COL22A1: variants seen among roughly 807,000 people sequenced by gnomAD.
COL22A1 encodes the protein collagen alpha-1(XXII) chain.
COL22A1 carries 221 observed loss-of-function variants against 248.9 expected under a neutral mutation model. The ratio of observed to expected loss-of-function variants is 0.89; its 90% CI spans 0.80 to 0.99. The LOEUF (loss-of-function observed/expected upper bound fraction) is 0.99. Ranked by LOEUF, COL22A1 falls within the 50% of genes least tolerant of loss-of-function variation. The pLI is 0.00. For synonymous variants in COL22A1, 891 were observed against 793.4 expected (o/e 1.12, Z -2.07); for missense variants, 2,240 against 2,179.0 (o/e 1.03, Z -0.56).
intron 39 of COL22A1, among the ~76,000 whole-genome samples, chr8:138,681,739 CT>C (rs1179461600): frequency 2.0e-5 from 3 of 152,210 alleles, no homozygotes; most frequent in Non-Finnish European, 4.4e-5. Flanking sequence ...TAATCTGCCC[CT>C]CTCCATATAT....
At chr8:138,900,699 CT>C (rs1372832191) in intron 1 of COL22A1, among the ~76,000 whole-genome samples, 1 of 152,150 alleles carries the variant, frequency 6.6e-6, no homozygotes, top group Non-Finnish European at 1.5e-5. Context: ...TTTCACTATG[CT>C]TTGTGGTCTT....
intron 49 of COL22A1, among the ~76,000 whole-genome samples, chr8:138,632,592 C>T (rs1820814703): frequency 1.3e-5 from 2 of 152,298 alleles, no homozygotes; most frequent in African/African-American, 4.8e-5. Context: ...CTAAACTGTA[C>T]TAGGTACAAG....
At chr8:138,739,041 C>G (rs1157137670) in intron 22 of COL22A1, among the ~76,000 whole-genome samples, 1 of 152,214 alleles carries the variant, frequency 6.6e-6, no homozygotes, top group East Asian at 1.9e-4. Context: ...GCCTTCTAAA[C>G]AGTGCCTCCC....
At chr8:138,685,574 T>C (rs1162846665) in intron 37 of COL22A1, among the ~76,000 whole-genome samples, 1 of 152,196 alleles carries the variant, frequency 6.6e-6, no homozygotes, top group Non-Finnish European at 1.5e-5. Context: ...GAGGTCATAC[T>C]GGAGTGTGAC....
chr8:138,676,462 A>AAAGCAAGAAAGG, intron 41 of COL22A1, 96 bp downstream of exon 41: 1 of 605,654 alleles, frequency 1.7e-6, no homozygotes, highest in African/African-American at 2.0e-5. Flanking sequence ...AGAAAGGAAG[A>AAAGCAAGAAAGG]AAGAAAGAAA....
chr8:138,749,858 G>T (rs1280815860), intron 22 of COL22A1, among the ~76,000 whole-genome samples: 1 of 152,174 alleles, frequency 6.6e-6, no homozygotes, highest in Non-Finnish European at 1.5e-5. Flanking sequence ...CAGGGGTGGG[G>T]ATGCTGAATG....
chr8:138,594,197 T>C lies in COL22A1; in HGVS notation c.4435A>G (p.Arg1479Gly). The C allele has an allele frequency of 6.4e-7, 1 of 1,568,846 alleles. No homozygotes were observed. Among genetic ancestry groups the C allele is most frequent in the Non-Finnish European group, 8.6e-7 (1 of 1,163,632 alleles). Residue 1479 changes from arginine (R) to glycine (G), a missense_variant and splice_region_variant, in exon 63 of 65, where the codon AGA becomes GGA. By Grantham distance (125) the Arg-to-Gly change is moderately radical. Transcript: ENST00000303045. ...QEELGKQLET[R>G]LAYLLAQMPP... ...ATCTGGGCCAGGAGGTAGGCGAGTC[T>C]GGCTGTAAAGTAGAAAAAGAGAGGC...
intron 5 of COL22A1, 71 bp from the exon 6 acceptor site, chr8:138,826,852 C>T: frequency 1.3e-6 from 2 of 1,573,090 alleles, no homozygotes; most frequent in Non-Finnish European, 1.7e-6. Context: ...TGAGCCCACA[C>T]AACCCAGCAG....
intron 3 of COL22A1, among the ~76,000 whole-genome samples, chr8:138,849,625 C>A (rs991032342): frequency 3.3e-5 from 5 of 152,198 alleles, no homozygotes; most frequent in African/African-American, 1.2e-4. Context: ...GTCTCCAAAG[C>A]CTGGACCAGC....
At chr8:138,707,798 G>A (rs971147031) in intron 30 of COL22A1, among the ~76,000 whole-genome samples, 5 of 152,086 alleles carry the variant, frequency 3.3e-5, no homozygotes, top group African/African-American at 1.2e-4. Context: ...CGATCAGGCA[G>A]GAAAAAGAAA....
At chr8:138,646,543 A>G (rs528324145) in intron 47 of COL22A1, 86 bp downstream of exon 47, 1 of 1,062,396 alleles carries the variant, frequency 9.4e-7, no homozygotes, top group Admixed American at 2.9e-5. Context: ...ACTCCTTTAC[A>G]CTGGCCATCA....
intron 3 of COL22A1, among the ~76,000 whole-genome samples, chr8:138,852,607 A>T: frequency 6.6e-6 from 1 of 152,140 alleles, no homozygotes. Flanking sequence ...TGTTTAAAGC[A>T]TCGGGAGTGA....
chr8:138,713,165 G>T (rs1028437169), intron 30 of COL22A1, among the ~76,000 whole-genome samples: 1 of 152,084 alleles, frequency 6.6e-6, no homozygotes, highest in South Asian at 2.1e-4. Context: ...AGAGCCCTTC[G>T]ACTGACGAAC....
intron 3 of COL22A1, among the ~76,000 whole-genome samples, chr8:138,856,350 C>T (rs151122679): frequency 5.0e-4 from 76 of 152,064 alleles, no homozygotes; most frequent in African/African-American, 1.5e-3. Context: ...TGCATTTGGG[C>T]GTTTCTGCAG....
At chr8:138,769,761 A>C (rs1443491165) in intron 16 of COL22A1, among the ~76,000 whole-genome samples, 2 of 152,210 alleles carry the variant, frequency 1.3e-5, no homozygotes, top group African/African-American at 4.8e-5. Context: ...CTCCTAGTGC[A>C]TGACACTGCC....
At chr8:138,806,105 T>TGA (rs1491121965) in intron 10 of COL22A1, among the ~76,000 whole-genome samples, 2 of 7,888 alleles carry the variant, frequency 2.5e-4, no homozygotes, top group African/African-American at 5.2e-4. Flanking sequence ...TGATGGTGTG[T>TGA]TTGTGTGTGA....
At chr8:138,600,874 G>C (rs1413441931) in intron 60 of COL22A1, among the ~76,000 whole-genome samples, 2 of 152,134 alleles carry the variant, frequency 1.3e-5, no homozygotes, top group Non-Finnish European at 2.9e-5. Flanking sequence ...GGATGCTAAG[G>C]CCCTATCTCA....
chr8:138,729,528 C>T (rs1003198009), intron 23 of COL22A1, among the ~76,000 whole-genome samples: 2 of 152,178 alleles, frequency 1.3e-5, no homozygotes, highest in Non-Finnish European at 2.9e-5. Flanking sequence ...TAGCAACTGC[C>T]GTAGCCATTT....
chr8:138,867,852 A>G (rs1823014774), intron 3 of COL22A1, among the ~76,000 whole-genome samples: 1 of 151,966 alleles, frequency 6.6e-6, no homozygotes, highest in Non-Finnish European at 1.5e-5. Context: ...CTGCAACCTG[A>G]CTCCCTGGTT....
Sources: allele counts gnomAD v4.1 joint callset (sites outside exome capture counted in the v4.1 genomes callset), GRCh38; gene constraint gnomAD v4.1.1; transcripts MANE v1.5; gene names NCBI Gene and HGNC (gene_info 2026-07-23, HGNC 2026-07-21).